Variants in PCDHGB7 observed in about 807,000 individuals in gnomAD.
PCDHGB7 encodes the protein protocadherin gamma-B7.
PCDHGB7 carries 37 observed loss-of-function variants against 61.4 expected under a neutral mutation model. The ratio of observed to expected loss-of-function variants is 0.60; its 90% CI spans 0.46 to 0.79. PCDHGB7 has a LOEUF of 0.79. PCDHGB7 is among the 30% of genes least tolerant of loss of function. The probability of loss-of-function intolerance (pLI) is 0.00; values close to 1 mark genes in which losing one functional copy is unlikely to be tolerated. For synonymous variants in PCDHGB7, 464 were observed against 503.5 expected, an observed-to-expected ratio of 0.92 and a Z score of 1.05; for missense variants, 1,166 against 1,202.5, an observed-to-expected ratio of 0.97 and a Z score of 0.45.
Position 141,511,617 on chromosome 5 carries a change from C to T in PCDHGB7, c.*444C>T, listed in dbSNP as rs1562253545. The T allele has an allele frequency of 4.3e-6, 1 of 233,232 alleles. No homozygotes were observed. Among genetic ancestry groups the T allele is most frequent in the African/African-American group, 2.2e-5 (1 of 45,220 alleles). The allele number at this position is 233,232 out of a possible 1,614,324, so 14.4% of individuals were successfully genotyped here. A position where few individuals can be genotyped will look rare whatever the true frequency, so the allele number is the denominator to read the frequency against. Reference sequence around the variant, plus strand: ...CAAGTAACCTACAAGCCTCCTAGTTCTGAAAAGTTGGAAGGGCATCATGAC... The same window carrying T: ...CAAGTAACCTACAAGCCTCCTAGTTTTGAAAAGTTGGAAGGGCATCATGAC... On this transcript the variant is annotated 3_prime_UTR_variant, in exon 4 of 4. Coordinates refer to ENST00000398594, the MANE Select transcript of PCDHGB7 (RefSeq NM_018927.4).
chr5:141,459,084 A>T (rs2098960410), intron 1 of PCDHGB7, among the ~76,000 whole-genome samples: 2 of 152,204 alleles, frequency 1.3e-5, no homozygotes, highest in Non-Finnish European at 2.9e-5. Flanking sequence ...TGCCTTTTAA[A>T]ATTATACAGT....
At chr5:141,510,824 A>G (rs947400590) in intron 3 of PCDHGB7, 123 bp from the exon 4 acceptor site, 2 of 1,563,416 alleles carry the variant, frequency 1.3e-6, no homozygotes, top group Non-Finnish European at 1.7e-6. Flanking sequence ...CTATATTCCC[A>G]GTGCTCAGCG....
At chr5:141,478,708 A>G (rs1394463788) in intron 1 of PCDHGB7, 31 of 1,548,072 alleles carry the variant, frequency 2.0e-5, no homozygotes, top group Non-Finnish European at 2.5e-5. Context: ...TGCCTTTGTG[A>G]GATGGTGGCC....
At chr5:141,424,610 ATAGAG>A (rs1374272828) in intron 1 of PCDHGB7, 2 of 152,216 alleles carry the variant, frequency 1.3e-5, no homozygotes, top group African/African-American at 4.8e-5. Flanking sequence ...ATTTATTCAA[ATAGAG>A]TAGTTTGTGA....
intron 1 of PCDHGB7, among the ~76,000 whole-genome samples, chr5:141,488,497 C>CA (rs1415483796): frequency 4.6e-5 from 7 of 152,204 alleles, no homozygotes; most frequent in African/African-American, 1.7e-4. Flanking sequence ...CTGTAACACT[C>CA]ATTCCACATT....
At chr5:141,430,115 A>G (rs930805574) in intron 1 of PCDHGB7, among the ~76,000 whole-genome samples, 1 of 152,194 alleles carries the variant, frequency 6.6e-6, no homozygotes, top group Non-Finnish European at 1.5e-5. Context: ...CATGTCAACA[A>G]CCTGGTAAAG....
At position 141,477,984 on chromosome 5, in the gene PCDHGB7, T is replaced by A; in HGVS notation, c.2416-16823T>A. On this transcript the variant is annotated intron_variant, in intron 1 of 3. Coordinates refer to ENST00000398594, the MANE Select transcript of PCDHGB7 (RefSeq NM_018927.4). This position sits in a 1 kb window ranked among gnomAD's most constrained non-coding sequence, Gnocchi z 4.9. ...AACCAGAGCCTTTTTGCCATAGGGC[T>A]GCACACTGGTCAAATCAGTACTGCC... 6.2e-7 allele frequency: 1 copy of A among 1,614,146 alleles called. No homozygotes were observed. The highest frequency in any genetic ancestry group is 8.5e-7 in the Non-Finnish European group (1 of 1,180,028).
At chr5:141,488,062 T>C (rs1488970442) in intron 1 of PCDHGB7, among the ~76,000 whole-genome samples, 1 of 152,152 alleles carries the variant, frequency 6.6e-6, no homozygotes, top group Non-Finnish European at 1.5e-5. Flanking sequence ...AAATAAAATC[T>C]TTGTCTCCCA....
chr5:141,511,598 A>C lies in PCDHGB7; in HGVS notation c.*425A>C. ...GGTTGGGGTGTTGAAGTACCAAGTA[A>C]CCTACAAGCCTCCTAGTTCTGAAAA... On this transcript the variant is annotated 3_prime_UTR_variant, in exon 4 of 4. Transcript: ENST00000398594. 3.9e-6 allele frequency: 1 copy of C among 255,742 alleles called. No individual in the cohort carries two copies. The highest frequency in any genetic ancestry group is 7.8e-6 in the Non-Finnish European group (1 of 127,952). The allele number at this position is 255,742 out of a possible 1,614,324, so 15.8% of individuals were successfully genotyped here.
intron 1 of PCDHGB7, chr5:141,441,955 A>G: frequency 3.1e-6 from 1 of 320,028 alleles, no homozygotes; most frequent in Non-Finnish European, 6.0e-6. Context: ...GCAGGCCAGC[A>G]AGCCCAGGCT....
rs200900873 is a variant in PCDHGB7 at position 141,510,902 on chromosome 5, G to A, written c.2564-45G>A. On this transcript the variant is annotated intron_variant, in intron 3 of 3. Transcript: ENST00000398594. ...GGGGATATAAGACAGTGACTGTTGAGGACCCTAAGTTTAGCTCCCACCTGA... is the reference window on the plus strand; with the variant it reads ...GGGGATATAAGACAGTGACTGTTGAAGACCCTAAGTTTAGCTCCCACCTGA... The A allele has an allele frequency of 1.5e-3, 2,449 of 1,613,462 alleles. 7 individuals carry two copies. The highest frequency in any genetic ancestry group is 1.9e-3 in the Non-Finnish European group (2,206 of 1,179,758).
chr5:141,427,782 T>G, intron 1 of PCDHGB7: 1 of 1,459,986 alleles, frequency 6.8e-7, no homozygotes, highest in Middle Eastern at 1.7e-4. Context: ...GCGGGCACTG[T>G]CGTCCTACGT....
chr5:141,487,297 C>A lies in PCDHGB7; in HGVS notation c.2416-7510C>A. ...TTTGCTTTGTCTCCTTTGGCTCATT[C>A]GTGGCACTACTCTCTAAGTGTCTTC... is the stretch of plus-strand genomic sequence containing the variant. On this transcript the variant is annotated intron_variant, in intron 1 of 3. Transcript: ENST00000398594. This position sits in a 1 kb window ranked among gnomAD's most constrained non-coding sequence, Gnocchi z 5.0. 1 of 1,614,102 alleles carries A rather than the reference C, an allele frequency of 6.2e-7. No homozygotes were observed. The highest frequency in any genetic ancestry group is 8.5e-7 in the Non-Finnish European group (1 of 1,180,002).
chr5:141,453,701 AAC>A (rs1250174252), intron 1 of PCDHGB7, among the ~76,000 whole-genome samples: 1 of 152,240 alleles, frequency 6.6e-6, no homozygotes, highest in Non-Finnish European at 1.5e-5. Context: ...CCTGGCTTTG[AAC>A]AGTTTCACTA....
chr5:141,417,965 T>C lies in PCDHGB7; in HGVS notation c.106T>C (p.Ser36Pro). Residue 36 changes from serine (S) to proline (P), a missense_variant, in exon 1 of 4, where the codon TCG becomes CCG. Physicochemically the swap from Ser to Pro is moderately conservative, Grantham distance 74 (BLOSUM62 -1). Coordinates refer to ENST00000398594, the MANE Select transcript of PCDHGB7 (RefSeq NM_018927.4). ...CACGCTGTGTGAGCCGATCCGCTAC[T>C]CGATTCCGGAGGAGCTGGCCAAGGG... ...YPTLCEPIRY[S>P]IPEELAKGSV... 3 of 1,613,654 alleles carry C rather than the reference T, an allele frequency of 1.9e-6. No homozygotes were observed. In the South Asian group the frequency reaches 3.3e-5, roughly 18 times the overall value.
At chr5:141,481,913 CAAAA>C (rs34114744) in intron 1 of PCDHGB7, among the ~76,000 whole-genome samples, 1 of 90,848 alleles carries the variant, frequency 1.1e-5, no homozygotes, top group Non-Finnish European at 2.2e-5. Context: ...AACTCCATCT[CAAAA>C]AAAAAAAAAA....
At chr5:141,463,460 T>TA (rs1554144871) in intron 1 of PCDHGB7, among the ~76,000 whole-genome samples, 2 of 136,122 alleles carry the variant, frequency 1.5e-5, no homozygotes, top group Non-Finnish European at 3.1e-5. Context: ...TTTTTTTTTT[T>TA]TTTTTTGAGA....
intron 1 of PCDHGB7, chr5:141,478,023 A>G (rs2099428714): frequency 6.2e-7 from 1 of 1,614,112 alleles, no homozygotes; most frequent in South Asian, 1.1e-5. Flanking sequence ...CCAGTCCAAG[A>G]CACAGATTCA....
intron 1 of PCDHGB7, among the ~76,000 whole-genome samples, chr5:141,447,744 T>G (rs1020767891): frequency 3.4e-4 from 51 of 152,206 alleles, no homozygotes; most frequent in African/African-American, 1.2e-3. Context: ...CTTAAGAGTC[T>G]TGCATGTGAC....
Sources: gnomAD v4.1 joint callset for allele counts (sites outside exome capture counted in the v4.1 genomes callset) on GRCh38, gnomAD v4.1.1 for gene constraint, Gnocchi (gnomAD v3.1) non-coding constraint, MANE v1.5 for transcripts, NCBI Gene and HGNC (gene_info 2026-07-23, HGNC 2026-07-21) for gene names.